Variants in AKT3 observed in about 807,000 individuals in gnomAD.
AKT3 encodes AKT serine/threonine kinase 3.
In AKT3, 15 loss-of-function variants were observed where a neutral mutation model predicts 65.3. That is an observed-to-expected ratio of 0.23 (90% CI 0.15 to 0.35). The LOEUF is 0.35. Ranked by LOEUF, AKT3 falls within the 10% of genes least tolerant of loss-of-function variation. The pLI is 1.00. For missense variants in AKT3, 243 were observed against 576.5 expected (o/e 0.42, Z 5.92); for synonymous variants, 206 against 183.8 (o/e 1.12, Z -0.98).
intron 2 of AKT3, among the ~76,000 whole-genome samples, chr1:243,819,631 C>T (rs146188369): frequency 1.5e-4 from 23 of 152,332 alleles, no homozygotes; most frequent in Non-Finnish European, 2.2e-4. Flanking sequence ...GCATCCCCTC[C>T]GCCAAGGGAC....
In AKT3 at chr1:243,555,607, G is replaced by A. The variant is rs145344416; in HGVS notation, c.949-2664C>T. On this transcript the variant is annotated intron_variant, in intron 10 of 13. Transcript: ENST00000673466. ...ACTTAAGGATTGCAAATTCTTTCTG[G>A]CTACCTCTGATCATTTTTTTCTAGC... is the stretch of plus-strand genomic sequence containing the variant. Among the ~76,000 whole-genome samples the A allele has an allele frequency of 4.1e-3, 620 of 151,898 alleles. 17 individuals are homozygous for A. The highest frequency in any genetic ancestry group is 0.037 in the Admixed American group (561 of 15,252).
chr1:243,545,655 T>A, intron 11 of AKT3, 58 bp from the exon 12 acceptor site: 1 of 1,217,196 alleles, frequency 8.2e-7, no homozygotes, highest in Admixed American at 1.9e-5. Flanking sequence ...GCTCAAAGCA[T>A]AACAAAAAAT....
intron 2 of AKT3, among the ~76,000 whole-genome samples, chr1:243,820,103 T>G (rs1019229047): frequency 7.2e-5 from 11 of 152,182 alleles, no homozygotes; most frequent in African/African-American, 2.6e-4. Flanking sequence ...TATTTTTTAG[T>G]AGAGACAGGG....
At chr1:243,823,436 G>A (rs748233845) in intron 2 of AKT3, among the ~76,000 whole-genome samples, 6 of 151,996 alleles carry the variant, frequency 3.9e-5, no homozygotes, top group Admixed American at 6.6e-5. Flanking sequence ...GCAATCATGC[G>A]AGAGAAATTA....
intron 2 of AKT3, among the ~76,000 whole-genome samples, chr1:243,761,670 T>A (rs1409109956): frequency 6.6e-6 from 1 of 152,108 alleles, no homozygotes; most frequent in East Asian, 1.9e-4. Flanking sequence ...TGAGTTACTT[T>A]ACCCTTAACC....
chr1:243,689,735 T>C (rs1684570634), intron 3 of AKT3, among the ~76,000 whole-genome samples: 1 of 151,966 alleles, frequency 6.6e-6, no homozygotes, highest in Admixed American at 6.6e-5. Flanking sequence ...TGTGGATCAC[T>C]TGATGAGCCC....
intron 8 of AKT3, among the ~76,000 whole-genome samples, chr1:243,585,522 G>T (rs1465431160): frequency 6.6e-6 from 1 of 152,030 alleles, no homozygotes; most frequent in African/African-American, 2.4e-5. Context: ...AAAACAGCAT[G>T]GTACTGTAAA....
intron 2 of AKT3, among the ~76,000 whole-genome samples, chr1:243,724,718 T>C (rs1053064960): frequency 6.6e-6 from 1 of 152,162 alleles, no homozygotes; most frequent in Non-Finnish European, 1.5e-5. Context: ...GCCCTCCCTT[T>C]AAGAAATACT....
At chr1:243,687,646 C>T (rs962785268) in intron 3 of AKT3, 9 of 150,912 alleles carry the variant, frequency 6.0e-5, no homozygotes, top group African/African-American at 1.9e-4. Flanking sequence ...TGTTGTACAA[C>T]GTAAGGAAAA....
intron 2 of AKT3, among the ~76,000 whole-genome samples, chr1:243,729,750 AAAGATT>A (rs1687429953): frequency 6.6e-6 from 1 of 152,234 alleles, no homozygotes; most frequent in Non-Finnish European, 1.5e-5. Flanking sequence ...TGCATAGACA[AAAGATT>A]AAGGAGACAT....
chr1:243,842,610 T>C (rs989309515), intron 2 of AKT3, among the ~76,000 whole-genome samples: 8 of 152,190 alleles, frequency 5.3e-5, no homozygotes, highest in African/African-American at 1.4e-4. Flanking sequence ...AAAAAATCCT[T>C]GTCCTCATTT....
In AKT3 at chr1:243,720,185, G is replaced by A. The variant is rs573601585; in HGVS notation, c.47-24469C>T. On this transcript the variant is annotated intron_variant, in intron 2 of 13. Transcript: ENST00000673466. ...ATGGTGGCACATGCCTGTAATCCCA[G>A]CAACTCGGGAGGCTGAGGCAGGAGA... Among the ~76,000 whole-genome samples, 228 of 152,188 alleles carry A rather than the reference G, an allele frequency of 1.5e-3. 1 individual carries two copies. Among genetic ancestry groups the A allele is most frequent in the African/African-American group, 5.3e-3 (219 of 41,520 alleles).
chr1:243,548,576 TAA>T (rs1311583535), intron 11 of AKT3, among the ~76,000 whole-genome samples: 1 of 152,214 alleles, frequency 6.6e-6, no homozygotes, highest in Non-Finnish European at 1.5e-5. Context: ...ATATACAATT[TAA>T]GACTTCAAAA....
At chr1:243,799,947 G>C (rs1483749874) in intron 2 of AKT3, among the ~76,000 whole-genome samples, 1 of 152,100 alleles carries the variant, frequency 6.6e-6, no homozygotes, top group Non-Finnish European at 1.5e-5. Flanking sequence ...TTGGGGAGTG[G>C]GGGGATCCAA....
At chr1:243,836,423 T>C (rs1694891009) in intron 2 of AKT3, among the ~76,000 whole-genome samples, 1 of 151,042 alleles carries the variant, frequency 6.6e-6, no homozygotes, top group Admixed American at 6.6e-5. Context: ...AACAGATAAA[T>C]TCACAATCAT....
intron 2 of AKT3, among the ~76,000 whole-genome samples, chr1:243,784,747 T>C (rs1484289359): frequency 6.6e-6 from 1 of 152,098 alleles, no homozygotes; most frequent in East Asian, 1.9e-4. Context: ...CCACGCACAG[T>C]AGCCACAGCC....
At chr1:243,620,423 G>A (rs1411475924) in intron 6 of AKT3, among the ~76,000 whole-genome samples, 1 of 40,844 alleles carries the variant, frequency 2.4e-5, no homozygotes, top group South Asian at 7.0e-4. Context: ...TTTCCCTGAT[G>A]AGTAGTGATA....
chr1:243,641,995 T>TA (rs958982608), intron 5 of AKT3, among the ~76,000 whole-genome samples: 38 of 150,254 alleles, frequency 2.5e-4, no homozygotes, highest in Admixed American at 1.9e-3. Context: ...ACAATGAGGC[T>TA]AAAAAAAAAG....
intron 2 of AKT3, among the ~76,000 whole-genome samples, chr1:243,842,014 T>G (rs936530182): frequency 2.0e-5 from 3 of 152,166 alleles, no homozygotes; most frequent in Non-Finnish European, 2.9e-5. Context: ...GGATGAGGAC[T>G]GGGCTGCAAG....
Sources: gnomAD v4.1 joint callset for allele counts (sites outside exome capture counted in the v4.1 genomes callset) on GRCh38, gnomAD v4.1.1 for gene constraint, MANE v1.5 for transcripts, NCBI Gene and HGNC (gene_info 2026-07-23, HGNC 2026-07-21) for gene names.